The following TACC2 variants were observed in gnomAD, a reference collection of about 807,000 sequenced individuals.
TACC2 encodes the protein transforming acidic coiled-coil-containing protein 2.
A neutral mutation model predicts 227.3 loss-of-function variants in TACC2; 137 were observed. That is an observed-to-expected ratio of 0.60 (90% CI 0.52 to 0.69). The LOEUF (loss-of-function observed/expected upper bound fraction) is 0.69, where lower values mean the gene tolerates loss of function less well. Among genes scored for constraint, TACC2 ranks in the 30% least tolerant of loss-of-function variants. The probability of loss-of-function intolerance (pLI) is 0.00; values close to 1 mark genes in which losing one functional copy is unlikely to be tolerated. For synonymous variants in TACC2, 1,523 were observed against 1,487.5 expected (o/e 1.02, Z -0.55); for missense variants, 3,470 against 3,694.4 (o/e 0.94, Z 1.57).
At chr10:122,076,206 G>A (rs1254773938) in intron 3 of TACC2, among the ~76,000 whole-genome samples, 3 of 152,084 alleles carry the variant, frequency 2.0e-5, no homozygotes, top group Non-Finnish European at 4.4e-5. Flanking sequence ...GGTGGCGCAG[G>A]ACATCACTGG....
At chr10:122,017,863 A>T (rs1002509117) in intron 1 of TACC2, among the ~76,000 whole-genome samples, 1 of 151,220 alleles carries the variant, frequency 6.6e-6, no homozygotes, top group Admixed American at 6.6e-5. Flanking sequence ...AAAGAAAAAG[A>T]AAAATTCTTC....
At chr10:122,132,420 G>A (rs1015095253) in intron 5 of TACC2, among the ~76,000 whole-genome samples, 189 bp from the exon 6 acceptor site, 2 of 152,198 alleles carry the variant, frequency 1.3e-5, no homozygotes, top group African/African-American at 4.8e-5. Context: ...TGGTGGCGGG[G>A]CGCCTGTAAT....
At chr10:122,049,992 T>C (rs2075496854) in intron 2 of TACC2, among the ~76,000 whole-genome samples, 1 of 152,182 alleles carries the variant, frequency 6.6e-6, no homozygotes, top group Admixed American at 6.5e-5. Context: ...CGGTTAGTTT[T>C]TTTCCCTAGG....
chr10:122,102,143 G>A (rs1016597610), intron 5 of TACC2, among the ~76,000 whole-genome samples: 3 of 152,014 alleles, frequency 2.0e-5, no homozygotes, highest in African/African-American at 7.3e-5. Context: ...AGTAGCAAGG[G>A]GTCTGGGGCA....
intron 7 of TACC2, among the ~76,000 whole-genome samples, chr10:122,169,284 G>A (rs2093350301): frequency 6.6e-6 from 1 of 152,214 alleles, no homozygotes; most frequent in African/African-American, 2.4e-5. Flanking sequence ...AGAAACTCTT[G>A]TGTACCATGT....
At chr10:122,230,483 T>C (rs1377167071) in intron 16 of TACC2, 43 bp downstream of exon 16, 10 of 1,560,216 alleles carry the variant, frequency 6.4e-6, no homozygotes, top group Middle Eastern at 3.3e-4. Context: ...GAGAATGTCA[T>C]GTGTGCCGCT....
chr10:122,082,221 C>A (rs962227131), intron 3 of TACC2, among the ~76,000 whole-genome samples: 1 of 152,184 alleles, frequency 6.6e-6, no homozygotes, highest in African/African-American at 2.4e-5. Flanking sequence ...GGTGGGAGCA[C>A]TGCTTGAGCC....
At chr10:122,213,299 T>A (rs1312374436) in intron 9 of TACC2, 2 of 1,598,010 alleles carry the variant, frequency 1.3e-6, no homozygotes, top group East Asian at 2.2e-5. Context: ...TTTTTGTCAG[T>A]TCCTTCTGTC....
At chr10:122,101,966 C>A (rs2082217955) in intron 5 of TACC2, among the ~76,000 whole-genome samples, 1 of 152,006 alleles carries the variant, frequency 6.6e-6, no homozygotes, top group Non-Finnish European at 1.5e-5. Flanking sequence ...TACAGTCATG[C>A]ATTGCTTAAT....
intron 8 of TACC2, among the ~76,000 whole-genome samples, chr10:122,200,027 C>T (rs1211707590): frequency 2.6e-5 from 4 of 152,248 alleles, no homozygotes; most frequent in Admixed American, 2.0e-4. Flanking sequence ...GGGACACACA[C>T]ATTCGGACCA....
chr10:121,998,978 T>C (rs563123471), intron 1 of TACC2, among the ~76,000 whole-genome samples: 1 of 152,090 alleles, frequency 6.6e-6, no homozygotes, highest in South Asian at 2.1e-4. Flanking sequence ...AAGGTACAAA[T>C]GTATGGGAAG....
At chr10:122,162,968 A>T (rs1210854330) in intron 7 of TACC2, among the ~76,000 whole-genome samples, 1 of 152,050 alleles carries the variant, frequency 6.6e-6, no homozygotes, top group African/African-American at 2.4e-5. Flanking sequence ...TTGGTGGCCA[A>T]AGATGGTGTT....
At position 122,249,694 on chromosome 10, in the gene TACC2, G is replaced by C. The variant is rs200630725; in HGVS notation, c.8781+30G>C. 2.0e-5 allele frequency: 32 copies of C among 1,595,630 alleles called. No homozygotes were observed. The Admixed American group carries it at 3.4e-4, about 17-fold the overall frequency. Reference sequence around the variant, plus strand: ...TAGGGGAGGGGTGTGGCCTCCAGGTGGGCCGGGCTGCTGCTCTCTGTGCTG... The same window carrying C: ...TAGGGGAGGGGTGTGGCCTCCAGGTCGGCCGGGCTGCTGCTCTCTGTGCTG... On this transcript the variant is annotated intron_variant, in intron 22 of 22. Coordinates refer to ENST00000369005, the MANE Select transcript of TACC2 (RefSeq NM_206862.4).
At chr10:122,006,859 A>AT (rs34965370) in intron 1 of TACC2, among the ~76,000 whole-genome samples, 30 of 107,014 alleles carry the variant, frequency 2.8e-4, no homozygotes, top group African/African-American at 8.7e-4. Context: ...TGCTTTCCTG[A>AT]TTTTTTTTTT....
intron 2 of TACC2, among the ~76,000 whole-genome samples, chr10:122,033,649 A>G (rs1296175701): frequency 6.6e-6 from 1 of 152,200 alleles, no homozygotes; most frequent in African/African-American, 2.4e-5. Flanking sequence ...GGCTCTGCCC[A>G]AAGTGTTTGC....
At position 122,085,180 on chromosome 10, in the gene TACC2, G is replaced by C; in HGVS notation, c.2680G>C (p.Glu894Gln). 1 of 1,614,088 alleles carries C rather than the reference G, an allele frequency of 6.2e-7. No homozygotes were observed. The highest frequency in any genetic ancestry group is 8.5e-7 in the Non-Finnish European group (1 of 1,180,052). ...DNNLPTHGGQ[E>Q]QALGSELQSQ... ...CAACTTGCCCACTCATGGAGGACAGGAGCAGGCTTTGGGATCAGAACTTCA... is the reference window on the plus strand; with the variant it reads ...CAACTTGCCCACTCATGGAGGACAGCAGCAGGCTTTGGGATCAGAACTTCA... Residue 894 changes from glutamate to glutamine, a missense_variant, in exon 4 of 23, where the codon GAG becomes CAG. Coordinates refer to ENST00000369005, the MANE Select transcript of TACC2 (RefSeq NM_206862.4).
intron 1 of TACC2, among the ~76,000 whole-genome samples, chr10:122,017,848 A>C (rs1341081105): frequency 6.6e-6 from 1 of 150,638 alleles, no homozygotes; most frequent in Non-Finnish European, 1.5e-5. Flanking sequence ...AGACAAAGAA[A>C]AGAAAAAGAA....
intron 1 of TACC2, among the ~76,000 whole-genome samples, chr10:122,014,089 G>A (rs2420982): frequency 0.46 from 69,341 of 151,984 alleles, 15,981 homozygotes; most frequent in South Asian, 0.62. Context: ...AACATGATGC[G>A]ATTGTCTAAC....
Position 122,050,538 on chromosome 10 carries a change from G to A in TACC2, c.134G>A (p.Arg45Lys). 1 of 1,613,862 alleles carries A rather than the reference G, an allele frequency of 6.2e-7. No individual in the cohort carries two copies. Among genetic ancestry groups the A allele is most frequent in the Non-Finnish European group, 8.5e-7 (1 of 1,179,948 alleles). Reference protein sequence around the residue: ...QQDTPGSPDHRDASSIGSVGL... With the variant: ...QQDTPGSPDHKDASSIGSVGL... ...GACACGCCCGGAAGCCCTGACCACA[G>A]AGACGCGTCCAGGTAGGAGGCCAGC... Residue 45 changes from arginine to lysine, a missense_variant, in exon 3 of 23, where the codon AGA becomes AAA. Physicochemically the swap from Arg to Lys is conservative, Grantham distance 26. Around this residue, in one of 10 missense-constraint regions of TACC2, gnomAD observed 405 missense variants for 389.6 expected, o/e 1.04. Coordinates refer to ENST00000369005, the MANE Select transcript of TACC2 (RefSeq NM_206862.4). This position sits in a 1 kb window ranked among gnomAD's most constrained non-coding sequence, Gnocchi z 4.6.
Sources: allele counts gnomAD v4.1 joint callset (sites outside exome capture counted in the v4.1 genomes callset), GRCh38; gene constraint gnomAD v4.1.1; regional missense constraint gnomAD v4.1.1; non-coding constraint Gnocchi (gnomAD v3.1); transcripts MANE v1.5; gene names NCBI Gene and HGNC (gene_info 2026-07-23, HGNC 2026-07-21).